SEMA3C: variants seen among roughly 807,000 people sequenced by gnomAD.
SEMA3C encodes semaphorin 3C, also known as semaphorin-3C.
A neutral mutation model predicts 89.4 loss-of-function variants in SEMA3C; 47 were observed. That is an observed-to-expected ratio of 0.53 (90% CI 0.42 to 0.67). The LOEUF (loss-of-function observed/expected upper bound fraction) is 0.67, where lower values mean the gene tolerates loss of function less well. Among genes scored for constraint, SEMA3C ranks in the 30% least tolerant of loss-of-function variants. The pLI is 0.00. For missense variants in SEMA3C, 839 were observed against 929.1 expected, an observed-to-expected ratio of 0.90 and a Z score of 1.26; for synonymous variants, 310 against 320.2, an observed-to-expected ratio of 0.97 and a Z score of 0.34.
intron 2 of SEMA3C, among the ~76,000 whole-genome samples, chr7:80,863,055 A>G (rs1460595205): frequency 6.6e-6 from 1 of 152,102 alleles, no homozygotes; most frequent in Non-Finnish European, 1.5e-5. Flanking sequence ...GAACCCAAAA[A>G]GCAAATTCAA....
intron 5 of SEMA3C, among the ~76,000 whole-genome samples, chr7:80,812,855 C>T (rs1033833769): frequency 2.0e-5 from 3 of 151,852 alleles, no homozygotes; most frequent in East Asian, 1.9e-4. Flanking sequence ...GGTGCGATCT[C>T]GGCTTACGGC....
chr7:80,829,811 T>G (rs1789968665), intron 2 of SEMA3C, among the ~76,000 whole-genome samples: 1 of 152,280 alleles, frequency 6.6e-6, no homozygotes, highest in Non-Finnish European at 1.5e-5. Context: ...AACTTTAGAC[T>G]TTTCTATTCA....
chr7:80,794,504 T>C (rs1789016448), intron 11 of SEMA3C, among the ~76,000 whole-genome samples: 1 of 152,044 alleles, frequency 6.6e-6, no homozygotes, highest in Non-Finnish European at 1.5e-5. Flanking sequence ...CCAGAAGACG[T>C]ATGTAATCAA....
At chr7:80,825,721 T>C (rs1430849928) in intron 4 of SEMA3C, among the ~76,000 whole-genome samples, 1 of 152,080 alleles carries the variant, frequency 6.6e-6, no homozygotes, top group Non-Finnish European at 1.5e-5. Flanking sequence ...CAATTCAGTA[T>C]AGCCACGGGA....
rs1040167718 is a variant in SEMA3C, at chr7:80,772,438, C to T, written c.1355-7195G>A. 5.3e-5 allele frequency among the ~76,000 whole-genome samples: 8 copies of T among 152,270 alleles called. No homozygotes were observed. In the South Asian group the frequency reaches 1.7e-3, roughly 32 times the overall value. ...CTGACTTATTTAGCACAATTTCTCA[C>T]GTTTAGCAGGGTTTCTCACATGGTA... On this transcript the variant is annotated intron_variant, in intron 12 of 17. Coordinates refer to ENST00000265361, the MANE Select transcript of SEMA3C (RefSeq NM_006379.5).
chr7:80,871,690 T>C (rs145147798), intron 2 of SEMA3C, among the ~76,000 whole-genome samples: 2 of 152,336 alleles, frequency 1.3e-5, no homozygotes, highest in East Asian at 3.9e-4. Context: ...TCTGCCCTCA[T>C]GGTGCTTATA....
At chr7:80,900,316 T>G (rs1164921910) in intron 2 of SEMA3C, among the ~76,000 whole-genome samples, 1 of 152,118 alleles carries the variant, frequency 6.6e-6, no homozygotes. Flanking sequence ...GGTTTCAACA[T>G]GTTAGCTAGG....
At chr7:80,751,158 A>G (rs1787926182) in intron 16 of SEMA3C, 111 bp downstream of exon 16, 1 of 825,426 alleles carries the variant, frequency 1.2e-6, no homozygotes. Flanking sequence ...GTTATAATAA[A>G]TATTTTTGAA....
chr7:80,868,698 G>T (rs1790987225), intron 2 of SEMA3C, among the ~76,000 whole-genome samples: 1 of 152,018 alleles, frequency 6.6e-6, no homozygotes. Flanking sequence ...ACCAAAATTT[G>T]TTGTTTGGGG....
intron 2 of SEMA3C, among the ~76,000 whole-genome samples, chr7:80,915,382 T>C (rs755974469): frequency 2.0e-5 from 3 of 152,146 alleles, no homozygotes; most frequent in Non-Finnish European, 4.4e-5. Flanking sequence ...CCTTCGGTGC[T>C]TATGACAACC....
intron 7 of SEMA3C, among the ~76,000 whole-genome samples, chr7:80,805,169 G>C (rs779218742): frequency 3.3e-5 from 5 of 151,944 alleles, no homozygotes; most frequent in Non-Finnish European, 7.4e-5. Flanking sequence ...TACCAGTTTT[G>C]TAATTTTAGA....
chr7:80,758,573 C>A, intron 14 of SEMA3C, 85 bp from the exon 15 acceptor site: 1 of 1,308,616 alleles, frequency 7.6e-7, no homozygotes, highest in Non-Finnish European at 1.1e-6. Flanking sequence ...TATATGCCCA[C>A]AAACCCTTGG....
Position 80,805,901 on chromosome 7 carries a change from C to T in SEMA3C, c.539-143G>A, listed in dbSNP as rs1235347003. 4 of 483,632 alleles carry T rather than the reference C, an allele frequency of 8.3e-6. No homozygotes were observed. The Admixed American group carries it at 1.6e-4, about 19-fold the overall frequency. The allele number at this position is 483,632 out of a possible 1,614,324, so 30.0% of individuals were successfully genotyped here. A position where few individuals can be genotyped will look rare whatever the true frequency, so the allele number is the denominator to read the frequency against. On this transcript the variant is annotated intron_variant, in intron 6 of 17. Transcript: ENST00000265361. ...ACAAATATTAATTGGTTTGCATTGT[C>T]CAGCAAATCAATAAATTTTATAAAT...
At chr7:80,900,262 C>T (rs1266289177) in intron 2 of SEMA3C, among the ~76,000 whole-genome samples, 2 of 151,872 alleles carry the variant, frequency 1.3e-5, no homozygotes, top group African/African-American at 4.8e-5. Context: ...TACAGGTGCC[C>T]GCCACCACGC....
At chr7:80,804,982 T>A (rs1789304287) in intron 7 of SEMA3C, among the ~76,000 whole-genome samples, 1 of 152,084 alleles carries the variant, frequency 6.6e-6, no homozygotes, top group African/African-American at 2.4e-5. Context: ...TTGTTTTTGT[T>A]TTTTTAATTG....
chr7:80,767,953 C>T (rs571825665), intron 12 of SEMA3C, among the ~76,000 whole-genome samples: 1 of 152,100 alleles, frequency 6.6e-6, no homozygotes, highest in Non-Finnish European at 1.5e-5. Flanking sequence ...TAAAACACAG[C>T]AAACTGAAAA....
At chr7:80,846,340 C>T (rs1250296353) in intron 2 of SEMA3C, among the ~76,000 whole-genome samples, 2 of 152,082 alleles carry the variant, frequency 1.3e-5, no homozygotes, top group Non-Finnish European at 2.9e-5. Context: ...TTTTGCTTTG[C>T]TAACTTTTCG....
At chr7:80,916,583 C>T in intron 2 of SEMA3C, 96 bp downstream of exon 2, 8 of 1,047,380 alleles carry the variant, frequency 7.6e-6, no homozygotes, top group Non-Finnish European at 9.2e-6. Flanking sequence ...AAATTAATAT[C>T]CAGTAATATT....
intron 9 of SEMA3C, among the ~76,000 whole-genome samples, chr7:80,801,401 C>A (rs73372916): frequency 2.3e-3 from 353 of 152,048 alleles, no homozygotes; most frequent in African/African-American, 8.2e-3. Context: ...TTAATGATAG[C>A]TCCTCTAACA....
Sources: allele counts gnomAD v4.1 joint callset (sites outside exome capture counted in the v4.1 genomes callset), GRCh38; gene constraint gnomAD v4.1.1; transcripts MANE v1.5; gene names NCBI Gene and HGNC (gene_info 2026-07-23, HGNC 2026-07-21).